Variants in NRG3 observed in about 807,000 individuals in gnomAD.
NRG3 encodes the protein pro-neuregulin-3, membrane-bound isoform.
Under a neutral mutation model 66.9 loss-of-function variants are expected in NRG3, and 31 were observed. The ratio of observed to expected loss-of-function variants is 0.46; its 90% CI spans 0.35 to 0.63. NRG3 has a LOEUF of 0.63. NRG3 is among the 20% of genes least tolerant of loss of function. NRG3 has a pLI of 0.00. For missense variants in NRG3, 910 were observed against 878.9 expected (o/e 1.04, Z -0.45); for synonymous variants, 393 against 359.4 (o/e 1.09, Z -1.06).
chr10:82,678,521 C>A (rs2053878231), intron 2 of NRG3, among the ~76,000 whole-genome samples: 1 of 152,150 alleles, frequency 6.6e-6, no homozygotes, highest in African/African-American at 2.4e-5. Flanking sequence ...TTACTTCAGG[C>A]CATCTGGATG....
At chr10:82,350,028 G>C (rs375348818) in intron 1 of NRG3, among the ~76,000 whole-genome samples, 5 of 152,136 alleles carry the variant, frequency 3.3e-5, no homozygotes, top group African/African-American at 4.8e-5. Flanking sequence ...CGTCTTCTGC[G>C]TCGCTCACGC....
chr10:82,692,481 A>C (rs1248565269), intron 2 of NRG3, among the ~76,000 whole-genome samples: 4 of 152,204 alleles, frequency 2.6e-5, no homozygotes, highest in Non-Finnish European at 5.9e-5. Context: ...AGGCATGCAG[A>C]CACATTGAAG....
chr10:81,902,196 C>T (rs571200063), intron 1 of NRG3, among the ~76,000 whole-genome samples: 1 of 152,076 alleles, frequency 6.6e-6, no homozygotes, highest in Non-Finnish European at 1.5e-5. Context: ...GCATGATTCT[C>T]CAGCTGAATT....
intron 4 of NRG3, among the ~76,000 whole-genome samples, chr10:82,907,122 C>G (rs1262895848): frequency 6.6e-6 from 1 of 152,276 alleles, no homozygotes; most frequent in East Asian, 1.9e-4. Context: ...CTAAGAGCAG[C>G]TACAGTGAGG....
In NRG3 at chr10:81,875,637, C is replaced by T. The variant is rs147245216; in HGVS notation, c.297C>T (p.Pro99=). ...TGGGCTCCGTCAAGGAGTACGTGCC[C>T]ACCGACCTAGTGGACTCCAAGGGGA... ...IVVGSVKEYV[P]TDLVDSKGMG... is the part of the protein sequence containing the mutation. The change falls in exon 1 of 9, where the codon CCC becomes CCT. Residue 99 remains proline, a synonymous_variant. Transcript: ENST00000372141. The surrounding 1 kb of genome is among the most constrained non-coding windows in gnomAD (Gnocchi z 5.3). 1,090 of 1,613,846 alleles carry T rather than the reference C, an allele frequency of 6.8e-4. 2 individuals carry two copies. The African/African-American group carries it at 8.5e-3, about 13-fold the overall frequency.
intron 1 of NRG3, among the ~76,000 whole-genome samples, chr10:81,909,547 TA>T (rs1844921243): frequency 6.6e-6 from 1 of 152,182 alleles, no homozygotes. Flanking sequence ...CAAAAATACT[TA>T]TTGTACATTG....
At chr10:82,932,676 A>C (rs1372812609) in intron 4 of NRG3, among the ~76,000 whole-genome samples, 1 of 152,034 alleles carries the variant, frequency 6.6e-6, no homozygotes, top group African/African-American at 2.4e-5. Context: ...AGCGTCTGGC[A>C]CTCCCTGAGA....
intron 1 of NRG3, among the ~76,000 whole-genome samples, chr10:81,902,580 C>T (rs974378637): frequency 1.3e-5 from 2 of 152,208 alleles, no homozygotes; most frequent in Admixed American, 6.5e-5. Flanking sequence ...AATAGACCTG[C>T]CAGGGCCTCG....
At chr10:82,353,164 T>G (rs1432280101) in intron 1 of NRG3, among the ~76,000 whole-genome samples, 2 of 152,112 alleles carry the variant, frequency 1.3e-5, no homozygotes, top group African/African-American at 4.8e-5. Flanking sequence ...GCAAGTTTCT[T>G]GAGGAAGAGC....
At chr10:82,220,709 A>G (rs1214118747) in intron 1 of NRG3, among the ~76,000 whole-genome samples, 1 of 152,168 alleles carries the variant, frequency 6.6e-6, no homozygotes, top group Non-Finnish European at 1.5e-5. Flanking sequence ...TTGAGTTTTG[A>G]TACTAGTTTT....
At chr10:82,183,154 C>T (rs995677226) in intron 1 of NRG3, among the ~76,000 whole-genome samples, 16 of 151,880 alleles carry the variant, frequency 1.1e-4, no homozygotes, top group Non-Finnish European at 2.4e-4. Context: ...GTGCATTTTT[C>T]CTTCTCCAGA....
intron 1 of NRG3, among the ~76,000 whole-genome samples, chr10:82,121,828 G>A (rs888091241): frequency 6.6e-6 from 1 of 151,860 alleles, no homozygotes; most frequent in Non-Finnish European, 1.5e-5. Context: ...TATAGAGATG[G>A]TGTCTCACTG....
At chr10:82,071,080 C>G (rs1467956360) in intron 1 of NRG3, among the ~76,000 whole-genome samples, 5 of 152,052 alleles carry the variant, frequency 3.3e-5, no homozygotes, top group Non-Finnish European at 7.4e-5. Flanking sequence ...CGATAGTACC[C>G]TGTAAACTCA....
At chr10:81,957,485 C>T (rs543579330) in intron 1 of NRG3, among the ~76,000 whole-genome samples, 1 of 152,132 alleles carries the variant, frequency 6.6e-6, no homozygotes, top group African/African-American at 2.4e-5. Flanking sequence ...GTCATACTAC[C>T]CTGCTTTATT....
At chr10:82,012,077 C>T (rs1202377777) in intron 1 of NRG3, among the ~76,000 whole-genome samples, 1 of 152,202 alleles carries the variant, frequency 6.6e-6, no homozygotes, top group Non-Finnish European at 1.5e-5. Context: ...CCGTGAGGGC[C>T]TCGCCCCTGC....
chr10:82,460,592 T>C (rs2091466527), intron 2 of NRG3, among the ~76,000 whole-genome samples: 1 of 152,192 alleles, frequency 6.6e-6, no homozygotes, highest in Non-Finnish European at 1.5e-5. Flanking sequence ...GAGAATGACA[T>C]AAAATCTGGA....
intron 1 of NRG3, among the ~76,000 whole-genome samples, chr10:82,337,550 G>C (rs1001055852): frequency 7.2e-5 from 11 of 152,166 alleles, no homozygotes; most frequent in African/African-American, 2.4e-4. Context: ...CTAACATCTT[G>C]AGGAATGATC....
At chr10:82,808,062 T>G (rs1370544033) in intron 3 of NRG3, among the ~76,000 whole-genome samples, 1 of 152,162 alleles carries the variant, frequency 6.6e-6, no homozygotes, top group Non-Finnish European at 1.5e-5. Context: ...GTATCTGGTG[T>G]TACCCTTTCT....
chr10:82,708,363 G>A (rs1339124174), intron 2 of NRG3, among the ~76,000 whole-genome samples: 2 of 152,124 alleles, frequency 1.3e-5, no homozygotes, highest in African/African-American at 2.4e-5. Flanking sequence ...TGTTACATGA[G>A]TAAATTATGT....
Sources: allele counts gnomAD v4.1 joint callset (sites outside exome capture counted in the v4.1 genomes callset), GRCh38; gene constraint gnomAD v4.1.1; non-coding constraint Gnocchi (gnomAD v3.1); transcripts MANE v1.5; gene names NCBI Gene and HGNC (gene_info 2026-07-23, HGNC 2026-07-21).